ZBTB7C: variants seen among roughly 807,000 people sequenced by gnomAD.
The protein encoded by ZBTB7C is zinc finger and BTB domain-containing protein 7C.
A neutral mutation model predicts 25.7 loss-of-function variants in ZBTB7C; 8 were observed. The observed-to-expected ratio is 0.31, with a 90% confidence interval of 0.18 to 0.56. The LOEUF (loss-of-function observed/expected upper bound fraction) is 0.56. Among genes scored for constraint, ZBTB7C ranks in the 20% least tolerant of loss-of-function variants. The pLI is 0.91. For synonymous variants in ZBTB7C, 394 were observed against 369.0 expected (o/e 1.07, Z -0.78); for missense variants, 824 against 855.2 (o/e 0.96, Z 0.46).
At chr18:48,108,276 C>A (rs950888315) in intron 3 of ZBTB7C, among the ~76,000 whole-genome samples, 1 of 152,156 alleles carries the variant, frequency 6.6e-6, no homozygotes, top group Non-Finnish European at 1.5e-5. Flanking sequence ...CTTCTCTATA[C>A]CAGGGTCGAC....
intron 2 of ZBTB7C, among the ~76,000 whole-genome samples, chr18:48,287,072 G>A (rs1255703624): frequency 6.6e-6 from 1 of 152,066 alleles, no homozygotes; most frequent in Non-Finnish European, 1.5e-5. Context: ...ACTCCAAAGA[G>A]TAAAACAGTC....
intron 2 of ZBTB7C, among the ~76,000 whole-genome samples, chr18:48,289,437 T>C (rs995743215): frequency 6.6e-6 from 1 of 151,900 alleles, no homozygotes; most frequent in Non-Finnish European, 1.5e-5. Context: ...CTATATGTAC[T>C]GACATGGAAA....
chr18:48,278,443 CTT>C (rs538246350), intron 2 of ZBTB7C, among the ~76,000 whole-genome samples: 3 of 145,910 alleles, frequency 2.1e-5, no homozygotes. Context: ...TCTTTTTTTT[CTT>C]TTTTTTTTTT....
At chr18:48,124,474 C>T (rs1242142670) in intron 3 of ZBTB7C, among the ~76,000 whole-genome samples, 1 of 152,128 alleles carries the variant, frequency 6.6e-6, no homozygotes, top group African/African-American at 2.4e-5. Flanking sequence ...TATTGTTTAT[C>T]GTATATTAAG....
chr18:48,219,908 CA>C, intron 2 of ZBTB7C, among the ~76,000 whole-genome samples: 1 of 152,150 alleles, frequency 6.6e-6, no homozygotes, highest in South Asian at 2.1e-4. Flanking sequence ...AGAACCAGAC[CA>C]AAGCTGAGGC....
At position 48,038,568 on chromosome 18, in the gene ZBTB7C, T is replaced by C. The variant is rs150369761; in HGVS notation, c.1208+1332A>G. On this transcript the variant is annotated intron_variant, in intron 4 of 4. Coordinates refer to ENST00000590800, the MANE Select transcript of ZBTB7C (RefSeq NM_001318841.2). ...TCATCTTTTTTTTTTTTTTTTTTCC[T>C]GGAAAAGCATAGTCCCTGATTTGAT... Among the ~76,000 whole-genome samples, 1,311 of 150,578 alleles carry C rather than the reference T, an allele frequency of 8.7e-3. 19 individuals carry two copies. The highest frequency in any genetic ancestry group is 0.031 in the African/African-American group (1,253 of 40,916).
intron 1 of ZBTB7C, among the ~76,000 whole-genome samples, chr18:48,360,951 G>A (rs1387982825): frequency 6.6e-6 from 1 of 152,146 alleles, no homozygotes; most frequent in African/African-American, 2.4e-5. Context: ...AGGGTCACAG[G>A]TGTGTTTTGT....
intron 1 of ZBTB7C, among the ~76,000 whole-genome samples, chr18:48,366,584 C>T (rs2047225770): frequency 6.6e-6 from 1 of 152,076 alleles, no homozygotes; most frequent in South Asian, 2.1e-4. Flanking sequence ...CATTTACAAA[C>T]ACGTACAAGT....
intron 2 of ZBTB7C, among the ~76,000 whole-genome samples, chr18:48,331,966 T>G (rs1415239660): frequency 6.6e-6 from 1 of 152,194 alleles, no homozygotes; most frequent in Non-Finnish European, 1.5e-5. Flanking sequence ...TGAAGAAAAT[T>G]CTAGATATCA....
intron 3 of ZBTB7C, among the ~76,000 whole-genome samples, chr18:48,101,691 G>A (rs1568218786): frequency 6.6e-6 from 1 of 152,172 alleles, no homozygotes; most frequent in African/African-American, 2.4e-5. Context: ...GGAAACTGAG[G>A]CAAAGGTTAA....
intron 1 of ZBTB7C, among the ~76,000 whole-genome samples, chr18:48,357,827 T>G (rs1205105618): frequency 6.6e-6 from 1 of 152,196 alleles, no homozygotes; most frequent in African/African-American, 2.4e-5. Context: ...ATCTCCAAAT[T>G]TAGCCTAAAC....
At chr18:48,155,057 A>G (rs764187108) in intron 3 of ZBTB7C, among the ~76,000 whole-genome samples, 1 of 151,986 alleles carries the variant, frequency 6.6e-6, no homozygotes, top group Non-Finnish European at 1.5e-5. Context: ...CTATATTCTC[A>G]TTTGCCATCT....
At chr18:48,168,742 C>T (rs921109896) in intron 3 of ZBTB7C, among the ~76,000 whole-genome samples, 2 of 152,108 alleles carry the variant, frequency 1.3e-5, no homozygotes, top group Non-Finnish European at 2.9e-5. Context: ...ATGTTTGGGA[C>T]AATGTTCTAG....
chr18:48,114,614 C>T (rs997483569), intron 3 of ZBTB7C, among the ~76,000 whole-genome samples: 1 of 151,834 alleles, frequency 6.6e-6, no homozygotes, highest in East Asian at 1.9e-4. Flanking sequence ...AAAAAAAGTT[C>T]TCAGAAGCAG....
At chr18:48,071,001 G>A (rs774574850) in intron 3 of ZBTB7C, among the ~76,000 whole-genome samples, 4 of 152,206 alleles carry the variant, frequency 2.6e-5, no homozygotes, top group African/African-American at 4.8e-5. Context: ...CCCCAGCAGC[G>A]TCTAAGGTTC....
intron 2 of ZBTB7C, among the ~76,000 whole-genome samples, chr18:48,255,448 G>C (rs2043993106): frequency 6.6e-6 from 1 of 152,156 alleles, no homozygotes; most frequent in Non-Finnish European, 1.5e-5. Context: ...AGGCCCAACA[G>C]ACCAAACCAA....
At chr18:48,367,500 A>G (rs2047273947) in intron 1 of ZBTB7C, among the ~76,000 whole-genome samples, 1 of 151,244 alleles carries the variant, frequency 6.6e-6, no homozygotes, top group Non-Finnish European at 1.5e-5. Flanking sequence ...CCAGACTTGG[A>G]GATGAAGAAG....
At chr18:48,307,254 A>G (rs1170800138) in intron 2 of ZBTB7C, among the ~76,000 whole-genome samples, 2 of 152,212 alleles carry the variant, frequency 1.3e-5, no homozygotes, top group Non-Finnish European at 2.9e-5. Flanking sequence ...TCCGTGTTCT[A>G]CGACTCTGAG....
chr18:48,067,784 C>T (rs986008979), intron 3 of ZBTB7C, among the ~76,000 whole-genome samples: 3 of 151,990 alleles, frequency 2.0e-5, no homozygotes, highest in African/African-American at 7.2e-5. Context: ...GGCAGATCAC[C>T]TGAGGTTGGG....
Sources: gnomAD v4.1 joint callset for allele counts (sites outside exome capture counted in the v4.1 genomes callset) on GRCh38, gnomAD v4.1.1 for gene constraint, MANE v1.5 for transcripts, NCBI Gene and HGNC (gene_info 2026-07-23, HGNC 2026-07-21) for gene names.